SLC35D4: variants seen among roughly 807,000 people sequenced by gnomAD.
The protein encoded by SLC35D4 is solute carrier family 35 member D4.
At chr18:23,319,550 T>C in the SLC35D4 span, among the ~76,000 whole-genome samples, 1 of 152,048 alleles carries the variant, frequency 6.6e-6, no homozygotes, top group East Asian at 1.9e-4. Flanking sequence ...TTCAAGCAAT[T>C]CTCCTGCCTC....
chr18:23,358,008 C>A, the SLC35D4 span, among the ~76,000 whole-genome samples: 7 of 152,118 alleles, frequency 4.6e-5, no homozygotes, highest in African/African-American at 1.7e-4. Flanking sequence ...GTGCGAAGAG[C>A]GTGGATATAT....
At chr18:23,417,928 A>G in the SLC35D4 span, among the ~76,000 whole-genome samples, 10 of 152,156 alleles carry the variant, frequency 6.6e-5, no homozygotes, top group Admixed American at 2.0e-4. Flanking sequence ...TGCTTCTCCA[A>G]AGGAATACGT....
At chr18:23,246,122 G>A in the SLC35D4 span, among the ~76,000 whole-genome samples, 4 of 152,088 alleles carry the variant, frequency 2.6e-5, no homozygotes, top group African/African-American at 9.6e-5. Context: ...AAATTAGCCG[G>A]GTGTGGTGGT....
the SLC35D4 span, chr18:23,257,575 C>T: frequency 1.6e-5 from 8 of 507,880 alleles, no homozygotes; most frequent in Middle Eastern, 4.9e-4. Context: ...TCCTCAAGCA[C>T]GGGAAGAGGA....
the SLC35D4 span, among the ~76,000 whole-genome samples, chr18:23,290,100 G>A: frequency 5.3e-5 from 8 of 152,322 alleles, no homozygotes; most frequent in South Asian, 2.1e-4. Context: ...GAGATGCCGC[G>A]TGGGTGAAGC....
At chr18:23,368,726 G>T in the SLC35D4 span, 17 of 1,429,162 alleles carry the variant, frequency 1.2e-5, no homozygotes, top group Non-Finnish European at 1.6e-5. Context: ...TGAATATATA[G>T]TTTAAGTATT....
chr18:23,274,165 G>A, the SLC35D4 span, among the ~76,000 whole-genome samples: 3 of 152,228 alleles, frequency 2.0e-5, no homozygotes, highest in East Asian at 3.9e-4. Context: ...CAAACTCCTC[G>A]TCTCAAGCAA....
chr18:23,350,166 T>C, the SLC35D4 span, among the ~76,000 whole-genome samples: 40,019 of 152,222 alleles, frequency 0.26, 5,787 homozygotes, highest in East Asian at 0.4. Flanking sequence ...GTTTTGCTTA[T>C]TTAGTGATTT....
At chr18:23,244,207 G>A in the SLC35D4 span, among the ~76,000 whole-genome samples, 1 of 152,188 alleles carries the variant, frequency 6.6e-6, no homozygotes, top group Non-Finnish European at 1.5e-5. Flanking sequence ...AGTGGATGGA[G>A]ACACTACTCC....
chr18:23,371,398 C>G, the SLC35D4 span: 1 of 1,546,914 alleles, frequency 6.5e-7, no homozygotes, highest in Non-Finnish European at 8.7e-7. Context: ...CCCAGCCTTA[C>G]ATAATAATTC....
chr18:23,371,411 T>G, the SLC35D4 span: 15 of 1,567,744 alleles, frequency 9.6e-6, no homozygotes, highest in South Asian at 1.2e-5. Context: ...AATAATTCTT[T>G]TAAAACTTAC....
chr18:23,421,235 C>G, the SLC35D4 span: 1 of 772,250 alleles, frequency 1.3e-6, no homozygotes, highest in Non-Finnish European at 2.0e-6. Context: ...CAGTGAGACT[C>G]TGTCTCAAAA....
At chr18:23,292,612 G>C in the SLC35D4 span, among the ~76,000 whole-genome samples, 7 of 152,178 alleles carry the variant, frequency 4.6e-5, no homozygotes, top group African/African-American at 1.7e-4. Flanking sequence ...GAAACACGGG[G>C]ACCTCATTTC....
chr18:23,380,540 G>A, the SLC35D4 span, among the ~76,000 whole-genome samples: 2 of 152,102 alleles, frequency 1.3e-5, no homozygotes, highest in East Asian at 3.9e-4. Flanking sequence ...CCCATACCCT[G>A]TGCCAGCCCG....
the SLC35D4 span, among the ~76,000 whole-genome samples, chr18:23,326,238 A>G: frequency 6.6e-6 from 1 of 152,230 alleles, no homozygotes; most frequent in Admixed American, 6.5e-5. Context: ...AAATGCCCCA[A>G]TTAAAAGACA....
the SLC35D4 span, chr18:23,257,678 A>C: frequency 3.7e-6 from 1 of 266,682 alleles, no homozygotes; most frequent in Non-Finnish European, 6.9e-6. Context: ...GCATTCACAA[A>C]CTTTGCAAGC....
chr18:23,300,738 T>C, the SLC35D4 span, among the ~76,000 whole-genome samples: 1 of 152,230 alleles, frequency 6.6e-6, no homozygotes, highest in South Asian at 2.1e-4. Context: ...GCAAATCTTG[T>C]AATCCCCATC....
the SLC35D4 span, among the ~76,000 whole-genome samples, chr18:23,272,566 G>A: frequency 6.6e-6 from 1 of 152,266 alleles, no homozygotes; most frequent in African/African-American, 2.4e-5. Flanking sequence ...AATAGGGTCA[G>A]CAAGCAGAGG....
chr18:23,377,526 T>C, the SLC35D4 span: 1 of 880,712 alleles, frequency 1.1e-6, no homozygotes, highest in East Asian at 3.1e-5. Context: ...GATATATGAA[T>C]GTTTATAATA....
Sources: gnomAD v4.1 joint callset for allele counts (sites outside exome capture counted in the v4.1 genomes callset) on GRCh38, gnomAD v4.1.1 for gene constraint, MANE v1.5 for transcripts, NCBI Gene and HGNC (gene_info 2026-07-23, HGNC 2026-07-21) for gene names.